Variants in FAM193A observed in about 807,000 individuals in gnomAD.
FAM193A encodes the protein protein FAM193A.
In FAM193A, 22 loss-of-function variants were observed where a neutral mutation model predicts 126.5. The observed-to-expected ratio is 0.17, with a 90% CI of 0.12 to 0.25. The LOEUF is 0.25. Among genes scored for constraint, FAM193A ranks in the 10% least tolerant of loss-of-function variants. The pLI is 1.00. For synonymous variants in FAM193A, 761 were observed against 646.8 expected (o/e 1.18, Z -2.68); for missense variants, 1,675 against 1,672.8 (o/e 1.00, Z -0.02).
At chr4:2,641,786 A>G (rs181046447) in intron 6 of FAM193A, among the ~76,000 whole-genome samples, 15 of 152,238 alleles carry the variant, frequency 9.9e-5, no homozygotes, top group East Asian at 1.9e-4. Flanking sequence ...AGAGAAAGCA[A>G]TTAGGTAAAA....
At chr4:2,542,226 A>T (rs1737279663) in intron 1 of FAM193A, among the ~76,000 whole-genome samples, 1 of 151,788 alleles carries the variant, frequency 6.6e-6, no homozygotes, top group Non-Finnish European at 1.5e-5. Flanking sequence ...ATGTTGGTCT[A>T]GAACTCCTGA....
intron 1 of FAM193A, among the ~76,000 whole-genome samples, chr4:2,549,374 C>T (rs546782882): frequency 1.3e-4 from 19 of 150,934 alleles, no homozygotes; most frequent in Non-Finnish European, 2.4e-4. Context: ...CGATTTTTTT[C>T]CCTCTATGTT....
intron 5 of FAM193A, among the ~76,000 whole-genome samples, chr4:2,637,474 C>G (rs1385818713): frequency 6.6e-6 from 1 of 151,706 alleles, no homozygotes; most frequent in Non-Finnish European, 1.5e-5. Context: ...TCGACAAAGA[C>G]AGAAAGATCT....
At position 2,732,013 on chromosome 4, in the gene FAM193A, G is replaced by C. The variant is rs1310925736; in HGVS notation, c.*145G>C. ...GCTGCCTGAAACCCCAGACCGAGAA[G>C]TTGATGCTCGGCCCACGCCGTTAGC... On this transcript the variant is annotated 3_prime_UTR_variant, in exon 21 of 21. Coordinates refer to ENST00000637812, the MANE Select transcript of FAM193A (RefSeq NM_001366318.2). The C allele has an allele frequency of 2.9e-6, 2 of 698,368 alleles. No homozygotes were observed. The highest frequency in any genetic ancestry group is 5.1e-6 in the Non-Finnish European group (2 of 389,302). 43.3% of individuals were successfully genotyped at this position (698,368 alleles called of 1,614,324 possible).
At chr4:2,576,931 C>T (rs537057434) in intron 1 of FAM193A, among the ~76,000 whole-genome samples, 1 of 152,334 alleles carries the variant, frequency 6.6e-6, no homozygotes, top group South Asian at 2.1e-4. Flanking sequence ...TGTACCTATT[C>T]TCTGACCAGT....
At chr4:2,569,958 A>C (rs1236370756) in intron 1 of FAM193A, among the ~76,000 whole-genome samples, 1 of 152,114 alleles carries the variant, frequency 6.6e-6, no homozygotes, top group Non-Finnish European at 1.5e-5. Context: ...GGGGGACCAT[A>C]ATTTGATTTC....
chr4:2,724,964 C>T (rs1720560857), intron 20 of FAM193A, among the ~76,000 whole-genome samples: 1 of 152,150 alleles, frequency 6.6e-6, no homozygotes, highest in Admixed American at 6.6e-5. Context: ...GCAACCTCCG[C>T]CTTCCAGATT....
chr4:2,567,474 A>G (rs376882688), intron 1 of FAM193A, among the ~76,000 whole-genome samples: 4 of 152,178 alleles, frequency 2.6e-5, no homozygotes, highest in Non-Finnish European at 4.4e-5. Context: ...TTTTAACACA[A>G]AGTATTCAAC....
chr4:2,541,602 C>T (rs1418179612), intron 1 of FAM193A, among the ~76,000 whole-genome samples: 1 of 151,422 alleles, frequency 6.6e-6, no homozygotes, highest in Non-Finnish European at 1.5e-5. Context: ...CGTGCCACCA[C>T]GCCCAGCTAA....
Position 2,606,160 on chromosome 4 carries a change from C to T in FAM193A, c.501+9831C>T, listed in dbSNP as rs1251377573. Reference sequence around the variant, plus strand: ...CTGCTGCCTGGGTTCAAGTGATTCTCCTGCCTCAACCTCCCATGTTGCTGG... The same window carrying T: ...CTGCTGCCTGGGTTCAAGTGATTCTTCTGCCTCAACCTCCCATGTTGCTGG... On this transcript the variant is annotated intron_variant, in intron 2 of 20. Transcript: ENST00000637812. Among the ~76,000 whole-genome samples the T allele has an allele frequency of 3.6e-5, 5 of 139,456 alleles. No homozygotes were observed. The East Asian group carries it at 1.2e-3, about 33-fold the overall frequency. The allele number at this position is 139,456 out of a possible 152,430, so 91.5% of individuals were successfully genotyped here.
intron 1 of FAM193A, among the ~76,000 whole-genome samples, chr4:2,537,636 C>A (rs1560425916): frequency 6.6e-6 from 1 of 152,240 alleles, no homozygotes. Context: ...AGCAAAGCTG[C>A]CCTTTCGCTC....
In FAM193A at chr4:2,696,539, C is replaced by T. The variant is rs980532211; in HGVS notation, c.3453C>T (p.Thr1151=). ...DLLQFINSSE[T]KPVSSTRAAK... ...TGCAGTTTATAAATAGCTCCGAAAC[C>T]AAACCAGTGAGCAGCACGCGTGCAG... is the stretch of plus-strand genomic sequence containing the variant. Residue 1151 remains threonine (T), a synonymous_variant, in exon 18 of 21, where the codon ACC becomes ACT. Coordinates refer to ENST00000637812, the MANE Select transcript of FAM193A (RefSeq NM_001366318.2). 3 of 1,614,182 alleles carry T rather than the reference C, an allele frequency of 1.9e-6. No individual in the cohort carries two copies. Among genetic ancestry groups the T allele is most frequent in the Middle Eastern group, 1.6e-4 (1 of 6,062 alleles).
chr4:2,542,351 G>C (rs573734597), intron 1 of FAM193A, among the ~76,000 whole-genome samples: 1 of 152,076 alleles, frequency 6.6e-6, no homozygotes, highest in East Asian at 1.9e-4. Context: ...TGTTGGCCAA[G>C]CTGGTCTCGA....
chr4:2,604,962 T>G (rs1741447321), intron 2 of FAM193A, among the ~76,000 whole-genome samples: 2 of 150,578 alleles, frequency 1.3e-5, no homozygotes, highest in African/African-American at 4.9e-5. Flanking sequence ...CAGTCCTGGA[T>G]GATTTTTTTT....
rs181113193 is a variant in FAM193A at position 2,683,330 on chromosome 4, A to G, written c.2332-6176A>G. On this transcript the variant is annotated intron_variant, in intron 13 of 20. Coordinates refer to ENST00000637812, the MANE Select transcript of FAM193A (RefSeq NM_001366318.2). The stretch of plus-strand genomic sequence containing the variant: ...TGTTTTTTGAGACAGAGTCTTGCTC[A>G]GCCGCCCAGGCTGGAGTGCAGTGGC... Among the ~76,000 whole-genome samples the G allele has an allele frequency of 3.5e-3, 519 of 149,220 alleles. 3 individuals carry two copies. Among genetic ancestry groups the G allele is most frequent in the African/African-American group, 0.012 (503 of 40,360 alleles).
In FAM193A at chr4:2,696,407, A is replaced by G; in HGVS notation, c.3321A>G (p.Glu1107=). Reference sequence around the variant, plus strand: ...GTAGAAATTATGCAGAAATGAGGGAAAAGCTTCGCTTACGGCTGACCAAGA... The same window carrying G: ...GTAGAAATTATGCAGAAATGAGGGAGAAGCTTCGCTTACGGCTGACCAAGA... The part of the protein sequence containing the change: ...PTSRNYAEMR[E]KLRLRLTKRK... Residue 1107 remains glutamate, a synonymous_variant, in exon 18 of 21, where the codon GAA becomes GAG. Coordinates refer to ENST00000637812, the MANE Select transcript of FAM193A (RefSeq NM_001366318.2). The G allele has an allele frequency of 6.2e-7, 1 of 1,614,212 alleles. No homozygotes were observed.
intron 1 of FAM193A, among the ~76,000 whole-genome samples, chr4:2,580,134 G>A (rs1739835892): frequency 1.3e-5 from 2 of 152,158 alleles, no homozygotes; most frequent in Non-Finnish European, 2.9e-5. Context: ...TCAGGGACTT[G>A]GATGGAGCTA....
intron 2 of FAM193A, among the ~76,000 whole-genome samples, chr4:2,598,182 C>T (rs538698087): frequency 1.3e-5 from 2 of 152,194 alleles, no homozygotes; most frequent in Non-Finnish European, 2.9e-5. Flanking sequence ...CATGAGCCAC[C>T]GCGCCTGGCC....
chr4:2,727,781 T>TCACC (rs896402547), intron 20 of FAM193A, among the ~76,000 whole-genome samples: 2 of 152,156 alleles, frequency 1.3e-5, no homozygotes, highest in African/African-American at 2.4e-5. Flanking sequence ...AGCCCACAGA[T>TCACC]GGTGCCAGTG....
Sources: allele counts gnomAD v4.1 joint callset (sites outside exome capture counted in the v4.1 genomes callset), GRCh38; gene constraint gnomAD v4.1.1; transcripts MANE v1.5; gene names NCBI Gene and HGNC (gene_info 2026-07-23, HGNC 2026-07-21).